The following ZSWIM6 variants were observed in gnomAD, a reference collection of about 807,000 sequenced individuals.
ZSWIM6 encodes zinc finger SWIM-type containing 6.
A neutral mutation model predicts 113.2 loss-of-function variants in ZSWIM6; 9 were observed. The ratio of observed to expected loss-of-function variants is 0.08; its 90% confidence interval spans 0.05 to 0.14. ZSWIM6 has a LOEUF of 0.14. Ranked by LOEUF, ZSWIM6 falls within the 10% of genes least tolerant of loss-of-function variation. The pLI is 1.00. For synonymous variants in ZSWIM6, 611 were observed against 606.5 expected (o/e 1.01, Z -0.11); for missense variants, 1,162 against 1,552.2 (o/e 0.75, Z 4.22).
At chr5:61,468,329 C>T (rs1747484122) in intron 1 of ZSWIM6, among the ~76,000 whole-genome samples, 1 of 152,198 alleles carries the variant, frequency 6.6e-6, no homozygotes, top group Non-Finnish European at 1.5e-5. Flanking sequence ...TCTGTGACAG[C>T]ATGATGATAA....
At chr5:61,385,775 G>T (rs1398385134) in intron 1 of ZSWIM6, among the ~76,000 whole-genome samples, 1 of 152,176 alleles carries the variant, frequency 6.6e-6, no homozygotes, top group Non-Finnish European at 1.5e-5. Flanking sequence ...GTGCCCCAGG[G>T]TGTGCATAAT....
intron 11 of ZSWIM6, 41 bp from the exon 12 acceptor site, chr5:61,539,555 C>T: frequency 6.6e-7 from 1 of 1,522,050 alleles, no homozygotes; most frequent in Non-Finnish European, 8.8e-7. Flanking sequence ...TCTTGCTTTG[C>T]TTTGATTTGG....
At chr5:61,415,263 G>A (rs938835217) in intron 1 of ZSWIM6, among the ~76,000 whole-genome samples, 1 of 152,210 alleles carries the variant, frequency 6.6e-6, no homozygotes, top group Non-Finnish European at 1.5e-5. Context: ...CAAGAAGGGA[G>A]TGTTATTTTG....
At chr5:61,446,698 A>G (rs1427913531) in intron 1 of ZSWIM6, among the ~76,000 whole-genome samples, 1 of 152,234 alleles carries the variant, frequency 6.6e-6, no homozygotes, top group Non-Finnish European at 1.5e-5. Flanking sequence ...TCATTTATTA[A>G]AGATTTACTT....
intron 3 of ZSWIM6, among the ~76,000 whole-genome samples, chr5:61,492,177 G>C (rs1344823607): frequency 6.6e-6 from 1 of 151,862 alleles, no homozygotes; most frequent in Non-Finnish European, 1.5e-5. Context: ...CTGTGTAATA[G>C]GTTAGAAATC....
At chr5:61,483,997 ATTC>A (rs1395945921) in intron 2 of ZSWIM6, among the ~76,000 whole-genome samples, 1 of 152,110 alleles carries the variant, frequency 6.6e-6, no homozygotes. Flanking sequence ...TAATTTATGT[ATTC>A]TTCTATCACT....
chr5:61,521,539 A>C, intron 5 of ZSWIM6, 97 bp downstream of exon 5: 1 of 1,056,818 alleles, frequency 9.5e-7, no homozygotes, highest in Non-Finnish European at 1.2e-6. Context: ...AAATGATTTT[A>C]CCAACTTAAG....
In ZSWIM6 at chr5:61,543,439, T is replaced by G; in HGVS notation, c.2786-16T>G. Reference sequence around the variant, plus strand: ...GCCTCCTCGTCAGTAATAGAGCCTGTTTGTGTTCCTTGCAGGGGTTTATGC... The same window carrying G: ...GCCTCCTCGTCAGTAATAGAGCCTGGTTGTGTTCCTTGCAGGGGTTTATGC... On this transcript the variant is annotated splice_polypyrimidine_tract_variant and intron_variant, in intron 13 of 13. Transcript: ENST00000252744. This position sits in a 1 kb window ranked among gnomAD's most constrained non-coding sequence, Gnocchi z 4.3. 2 of 1,541,648 alleles carry G rather than the reference T, an allele frequency of 1.3e-6. No homozygotes were observed. Among genetic ancestry groups the G allele is most frequent in the Non-Finnish European group, 1.8e-6 (2 of 1,141,426 alleles).
chr5:61,458,184 A>C (rs573800672), intron 1 of ZSWIM6, among the ~76,000 whole-genome samples: 1 of 152,332 alleles, frequency 6.6e-6, no homozygotes, highest in East Asian at 1.9e-4. Flanking sequence ...GAAATATACC[A>C]AAAATACATT....
At chr5:61,503,207 A>T (rs957133938) in intron 4 of ZSWIM6, among the ~76,000 whole-genome samples, 5 of 152,250 alleles carry the variant, frequency 3.3e-5, no homozygotes, top group Non-Finnish European at 5.9e-5. Flanking sequence ...TTCTGATGTT[A>T]ATTTGCTTCA....
At chr5:61,392,913 A>G (rs1308434244) in intron 1 of ZSWIM6, among the ~76,000 whole-genome samples, 1 of 151,838 alleles carries the variant, frequency 6.6e-6, no homozygotes, top group Non-Finnish European at 1.5e-5. Context: ...CGCCTGGCCC[A>G]TCAGCCTTTA....
At chr5:61,371,635 G>A (rs551640546) in intron 1 of ZSWIM6, among the ~76,000 whole-genome samples, 1 of 152,168 alleles carries the variant, frequency 6.6e-6, no homozygotes, top group East Asian at 1.9e-4. Context: ...TCTGTACCTC[G>A]GGATCACGTG....
At chr5:61,470,303 C>G (rs78848239) in intron 1 of ZSWIM6, among the ~76,000 whole-genome samples, 1 of 152,208 alleles carries the variant, frequency 6.6e-6, no homozygotes, top group South Asian at 2.1e-4. Flanking sequence ...CCGGTTTCCC[C>G]GTGCAAGTAC....
At chr5:61,528,726 T>C (rs1427030618) in intron 7 of ZSWIM6, among the ~76,000 whole-genome samples, 1 of 152,070 alleles carries the variant, frequency 6.6e-6, no homozygotes, top group Non-Finnish European at 1.5e-5. Flanking sequence ...TAGCTGGGAT[T>C]ATAGGCACCC....
intron 8 of ZSWIM6, 64 bp from the exon 9 acceptor site, chr5:61,531,401 G>T (rs1749425287): frequency 1.3e-6 from 2 of 1,488,296 alleles, no homozygotes; most frequent in East Asian, 2.5e-5. Flanking sequence ...ATAAATATTT[G>T]TACTTATCAT....
At chr5:61,499,553 G>C (rs984004972) in intron 4 of ZSWIM6, among the ~76,000 whole-genome samples, 12 of 152,278 alleles carry the variant, frequency 7.9e-5, no homozygotes, top group Admixed American at 6.5e-5. Flanking sequence ...TTACAAATTA[G>C]TACAAAGGTT....
intron 1 of ZSWIM6, among the ~76,000 whole-genome samples, chr5:61,338,985 TG>T (rs1744468222): frequency 6.6e-6 from 1 of 152,242 alleles, no homozygotes. Context: ...ATTTTTATCC[TG>T]GGCCTCTTTT....
At chr5:61,542,011 G>C in intron 13 of ZSWIM6, 46 bp downstream of exon 13, 1 of 1,487,378 alleles carries the variant, frequency 6.7e-7, no homozygotes, top group Non-Finnish European at 9.2e-7. Context: ...CCTCATGGTA[G>C]GATTTAACTT....
intron 1 of ZSWIM6, among the ~76,000 whole-genome samples, chr5:61,361,186 G>C (rs1475715438): frequency 6.6e-6 from 1 of 152,124 alleles, no homozygotes; most frequent in Non-Finnish European, 1.5e-5. Context: ...ACTGTGCTAA[G>C]TGCTTTAAAC....
Sources: gnomAD v4.1 joint callset for allele counts (sites outside exome capture counted in the v4.1 genomes callset) on GRCh38, gnomAD v4.1.1 for gene constraint, Gnocchi (gnomAD v3.1) non-coding constraint, MANE v1.5 for transcripts, NCBI Gene and HGNC (gene_info 2026-07-23, HGNC 2026-07-21) for gene names.